Variants in NEGR1 observed in about 807,000 individuals in gnomAD.
The protein encoded by NEGR1 is neuronal growth regulator 1.
In NEGR1, 10 loss-of-function variants were observed where a neutral mutation model predicts 40.9. The ratio of observed to expected loss-of-function variants is 0.24; its 90% CI spans 0.15 to 0.42. The LOEUF (loss-of-function observed/expected upper bound fraction) is 0.42. Ranked by LOEUF, NEGR1 falls within the 10% of genes least tolerant of loss-of-function variation. The probability of loss-of-function intolerance (pLI) is 1.00; values close to 1 mark genes in which losing one functional copy is unlikely to be tolerated. For missense variants in NEGR1, 352 were observed against 438.9 expected (o/e 0.80, Z 1.77); for synonymous variants, 185 against 166.8 (o/e 1.11, Z -0.84).
At chr1:71,941,844 A>T (rs564779170) in intron 1 of NEGR1, among the ~76,000 whole-genome samples, 40 of 152,164 alleles carry the variant, frequency 2.6e-4, no homozygotes, top group African/African-American at 9.4e-4. Flanking sequence ...TATATCAAAA[A>T]CTATTATTAT....
intron 4 of NEGR1, among the ~76,000 whole-genome samples, chr1:71,646,263 A>AT (rs942077964): frequency 2.0e-5 from 3 of 151,650 alleles, no homozygotes; most frequent in African/African-American, 7.3e-5. Context: ...AATAATGCAC[A>AT]TTTTTTTAAA....
intron 6 of NEGR1, among the ~76,000 whole-genome samples, chr1:71,452,531 T>C (rs1646636164): frequency 6.6e-6 from 1 of 152,072 alleles, no homozygotes; most frequent in Admixed American, 6.5e-5. Context: ...CTGGAAAAAA[T>C]ATGGACTTGA....
rs71965942 is a variant in NEGR1 at position 71,556,630 on chromosome 1, T to TACAC, written c.940+36183_940+36186dup. Reference sequence around the variant, plus strand: ...AATGGGTTTTTATCTATTTTGTAATTACACACACACACACACACACACATA... The same window carrying TACAC: ...AATGGGTTTTTATCTATTTTGTAATTACACACACACACACACACACACACACATA... On this transcript the variant is annotated intron_variant, in intron 6 of 6. Coordinates refer to ENST00000357731, the MANE Select transcript of NEGR1 (RefSeq NM_173808.3). Among the ~76,000 whole-genome samples, 253 of 147,730 alleles carry TACAC rather than the reference T, an allele frequency of 1.7e-3. 1 individual carries two copies. Among genetic ancestry groups the TACAC allele is most frequent in the Admixed American group, 3.6e-3 (52 of 14,602 alleles).
At chr1:71,805,201 C>T (rs1177810141) in intron 2 of NEGR1, among the ~76,000 whole-genome samples, 1 of 152,142 alleles carries the variant, frequency 6.6e-6, no homozygotes, top group African/African-American at 2.4e-5. Flanking sequence ...GTGCCCAAAA[C>T]TTCATTAGCA....
chr1:71,957,818 GAATTAATGACATTTTAT>G (rs1443394381), intron 1 of NEGR1, among the ~76,000 whole-genome samples: 1 of 152,144 alleles, frequency 6.6e-6, no homozygotes, highest in Non-Finnish European at 1.5e-5. Flanking sequence ...CATTATCCTA[GAATTAATGACATTTTAT>G]AATCTGACCT....
chr1:72,100,901 G>A (rs1240879413), intron 1 of NEGR1: 1 of 152,246 alleles, frequency 6.6e-6, no homozygotes, highest in Non-Finnish European at 1.5e-5. Flanking sequence ...GCTTGCAGAT[G>A]GCTGCCTTCT....
chr1:72,059,729 C>T (rs1466424919), intron 1 of NEGR1, among the ~76,000 whole-genome samples: 3 of 151,490 alleles, frequency 2.0e-5, no homozygotes, highest in Non-Finnish European at 4.4e-5. Context: ...GCTTTAGTCT[C>T]CTGCATATTA....
At chr1:71,770,540 T>C (rs1177131196) in intron 3 of NEGR1, among the ~76,000 whole-genome samples, 2 of 152,158 alleles carry the variant, frequency 1.3e-5, no homozygotes, top group Admixed American at 1.3e-4. Context: ...CAAAGTTAAA[T>C]GAAATGGTTG....
chr1:71,968,719 T>C (rs923713369), intron 1 of NEGR1, among the ~76,000 whole-genome samples: 2 of 152,214 alleles, frequency 1.3e-5, no homozygotes, highest in Admixed American at 1.3e-4. Flanking sequence ...GATCTATTAT[T>C]TTCTAATTGG....
intron 1 of NEGR1, among the ~76,000 whole-genome samples, chr1:72,072,111 A>G (rs1232652623): frequency 6.6e-6 from 1 of 152,128 alleles, no homozygotes; most frequent in African/African-American, 2.4e-5. Context: ...TCCTATTTCT[A>G]TTTTACAATC....
intron 2 of NEGR1, among the ~76,000 whole-genome samples, chr1:71,834,859 A>C (rs1658963850): frequency 7.9e-6 from 1 of 126,136 alleles, no homozygotes; most frequent in African/African-American, 3.1e-5. Context: ...ATGCCTGCCA[A>C]ACACCGTCGT....
intron 1 of NEGR1, among the ~76,000 whole-genome samples, chr1:72,134,129 TGTATTTAA>T (rs1650358352): frequency 6.6e-6 from 1 of 152,104 alleles, no homozygotes; most frequent in Non-Finnish European, 1.5e-5. Context: ...TATTGAAAGA[TGTATTTAA>T]GTATTACTGA....
intron 1 of NEGR1, among the ~76,000 whole-genome samples, chr1:72,039,041 A>G (rs1405136287): frequency 6.6e-6 from 1 of 152,034 alleles, no homozygotes; most frequent in Non-Finnish European, 1.5e-5. Context: ...TTGAAGAATT[A>G]CTAGGATCTC....
chr1:71,758,463 A>C (rs1308686786), intron 3 of NEGR1, among the ~76,000 whole-genome samples: 2 of 152,126 alleles, frequency 1.3e-5, no homozygotes, highest in Non-Finnish European at 2.9e-5. Context: ...ATAGCATACT[A>C]AAAGTGAGAA....
chr1:71,717,677 T>C (rs1282921831), intron 3 of NEGR1, among the ~76,000 whole-genome samples: 5 of 152,202 alleles, frequency 3.3e-5, no homozygotes, highest in Admixed American at 6.5e-5. Flanking sequence ...GTGGACTCAG[T>C]TGTGTACCCC....
Position 71,402,928 on chromosome 1 carries a change from A to G in NEGR1, c.*4518T>C, listed in dbSNP as rs1646255621. 6.6e-6 allele frequency: 1 copy of G among 152,154 alleles called. No homozygotes were observed. The highest frequency in any genetic ancestry group is 2.4e-5 in the African/African-American group (1 of 41,442). The allele number at this position is 152,154 out of a possible 1,614,324, so 9.4% of individuals were successfully genotyped here. A position where few individuals can be genotyped will look rare whatever the true frequency, so the allele number is the denominator to read the frequency against. ...ATAAGATAGATGTTGAAAAGGGAAG[A>G]AATAATGAAGCTGTGGGGGAAATCA... On this transcript the variant is annotated 3_prime_UTR_variant, in exon 7 of 7. Coordinates refer to ENST00000357731, the MANE Select transcript of NEGR1 (RefSeq NM_173808.3).
chr1:72,031,313 G>A (rs17092161), intron 1 of NEGR1, among the ~76,000 whole-genome samples: 14,993 of 152,174 alleles, frequency 0.099, 827 homozygotes, highest in Middle Eastern at 0.18. Context: ...GGAAGTGGAT[G>A]TAAGATGGAT....
At chr1:71,916,708 A>G (rs890495503) in intron 2 of NEGR1, among the ~76,000 whole-genome samples, 1 of 152,182 alleles carries the variant, frequency 6.6e-6, no homozygotes, top group Non-Finnish European at 1.5e-5. Context: ...GTGAGCCGAG[A>G]TTGCACCATT....
In NEGR1 at chr1:72,058,429, T is replaced by C. The variant is rs113860232; in HGVS notation, c.177-123118A>G. ...CAAGTCAAAGGGTTCTATGAGGTTG[T>C]TGATATTCTGTTAGAGGTTTCTAAG... On this transcript the variant is annotated intron_variant, in intron 1 of 6. Coordinates refer to ENST00000357731, the MANE Select transcript of NEGR1 (RefSeq NM_173808.3). Among the ~76,000 whole-genome samples, 494 of 151,754 alleles carry C rather than the reference T, an allele frequency of 3.3e-3. 3 individuals are homozygous for C. Among genetic ancestry groups the C allele is most frequent in the African/African-American group, 0.011 (474 of 41,474 alleles).
Sources: gnomAD v4.1 joint callset for allele counts (sites outside exome capture counted in the v4.1 genomes callset) on GRCh38, gnomAD v4.1.1 for gene constraint, MANE v1.5 for transcripts, NCBI Gene and HGNC (gene_info 2026-07-23, HGNC 2026-07-21) for gene names.